Variants in ROBO2 observed in about 807,000 individuals in gnomAD.
ROBO2 encodes roundabout guidance receptor 2, also known as roundabout homolog 2.
ROBO2 carries 53 observed loss-of-function variants against 160.8 expected under a neutral mutation model. The observed-to-expected ratio is 0.33, with a 90% CI of 0.26 to 0.41. The LOEUF (loss-of-function observed/expected upper bound fraction) is 0.41. ROBO2 is among the 10% of genes least tolerant of loss of function. ROBO2 has a pLI of 1.00. For missense variants in ROBO2, 1,577 were observed against 1,722.4 expected, an observed-to-expected ratio of 0.92 and a Z score of 1.49; for synonymous variants, 664 against 611.7, an observed-to-expected ratio of 1.09 and a Z score of -1.26.
chr3:76,138,298 AAAC>A (rs968795112), intron 2 of ROBO2, among the ~76,000 whole-genome samples: 2 of 152,046 alleles, frequency 1.3e-5, no homozygotes, highest in African/African-American at 2.4e-5. Flanking sequence ...AAAATTAAAA[AAAC>A]AAGCTACAAA....
intron 2 of ROBO2, among the ~76,000 whole-genome samples, chr3:76,345,239 A>C (rs2074453064): frequency 6.6e-6 from 1 of 152,098 alleles, no homozygotes; most frequent in African/African-American, 2.4e-5. Flanking sequence ...TCCTGGGTGA[A>C]TCTCTGGAGA....
chr3:76,130,298 C>T (rs958245342), intron 2 of ROBO2, among the ~76,000 whole-genome samples: 3 of 152,002 alleles, frequency 2.0e-5, no homozygotes, highest in Non-Finnish European at 4.4e-5. Context: ...ATATTTTTTG[C>T]AGCTTTATTT....
chr3:76,486,093 G>A (rs1162717630), intron 2 of ROBO2, among the ~76,000 whole-genome samples: 1 of 152,142 alleles, frequency 6.6e-6, no homozygotes, highest in African/African-American at 2.4e-5. Flanking sequence ...AGTAAGCCCT[G>A]CCTTTGTTAT....
intron 2 of ROBO2, among the ~76,000 whole-genome samples, chr3:76,548,038 AAATC>A (rs2083207676): frequency 6.6e-6 from 1 of 152,156 alleles, no homozygotes; most frequent in African/African-American, 2.4e-5. Flanking sequence ...CCATATTCCT[AAATC>A]AATCACCTTT....
At chr3:77,327,104 G>T (rs937537233) in intron 2 of ROBO2, among the ~76,000 whole-genome samples, 5 of 152,160 alleles carry the variant, frequency 3.3e-5, no homozygotes. Context: ...ACTCGGGATA[G>T]AATTTATCAT....
At chr3:77,538,118 C>CGA (rs1553650916) in intron 6 of ROBO2, among the ~76,000 whole-genome samples, 6 of 144,910 alleles carry the variant, frequency 4.1e-5, no homozygotes, top group Admixed American at 1.4e-4. Context: ...CAATAAAAAA[C>CGA]AAAAAAAATA....
chr3:76,977,817 A>G (rs6548470), intron 2 of ROBO2, among the ~76,000 whole-genome samples: 110,900 of 152,058 alleles, frequency 0.73, 40,575 homozygotes, highest in East Asian at 0.76. Flanking sequence ...TAGTATTTTC[A>G]TAAAGATACT....
intron 2 of ROBO2, among the ~76,000 whole-genome samples, chr3:77,011,680 C>A (rs867828406): frequency 3.3e-5 from 5 of 151,984 alleles, no homozygotes; most frequent in Admixed American, 1.3e-4. Flanking sequence ...CTTTTTCAGG[C>A]CTGAGTGGTA....
intron 5 of ROBO2, among the ~76,000 whole-genome samples, chr3:77,508,655 G>A (rs1424051403): frequency 1.3e-5 from 2 of 151,686 alleles, no homozygotes; most frequent in Admixed American, 1.3e-4. Flanking sequence ...TGACCACCAT[G>A]TCAGTGATTT....
intron 2 of ROBO2, among the ~76,000 whole-genome samples, chr3:75,977,024 C>T (rs1422976428): frequency 6.6e-6 from 1 of 151,576 alleles, no homozygotes; most frequent in Non-Finnish European, 1.5e-5. Flanking sequence ...TCCCTCCCTT[C>T]TTTATAATGT....
chr3:76,230,452 T>G (rs1419326136), intron 2 of ROBO2, among the ~76,000 whole-genome samples: 1 of 152,182 alleles, frequency 6.6e-6, no homozygotes, highest in Non-Finnish European at 1.5e-5. Flanking sequence ...TTGCCTTATC[T>G]GCTTTGCTTT....
intron 2 of ROBO2, among the ~76,000 whole-genome samples, chr3:76,707,199 CT>C (rs1357997977): frequency 3.3e-5 from 5 of 151,988 alleles, no homozygotes; most frequent in Admixed American, 3.3e-4. Context: ...AACTTTTCCC[CT>C]CTGATTCCCT....
intron 2 of ROBO2, among the ~76,000 whole-genome samples, chr3:77,151,453 C>T (rs182046467): frequency 1.3e-5 from 2 of 152,138 alleles, no homozygotes; most frequent in African/African-American, 4.8e-5. Flanking sequence ...GTATTTTTGG[C>T]CTTTTCTTGT....
At chr3:76,964,368 G>GT (rs781274973) in intron 2 of ROBO2, among the ~76,000 whole-genome samples, 1 of 152,066 alleles carries the variant, frequency 6.6e-6, no homozygotes, top group Non-Finnish European at 1.5e-5. Context: ...TTGAGATGGA[G>GT]TTTTTCTCTT....
intron 2 of ROBO2, among the ~76,000 whole-genome samples, chr3:77,201,709 G>T (rs1409287216): frequency 1.3e-5 from 2 of 152,096 alleles, no homozygotes; most frequent in East Asian, 3.9e-4. Flanking sequence ...CTGAACTTGT[G>T]CATATTCATT....
chr3:76,261,156 T>G (rs1309378267), intron 2 of ROBO2, among the ~76,000 whole-genome samples: 1 of 148,020 alleles, frequency 6.8e-6, no homozygotes, highest in Non-Finnish European at 1.5e-5. Context: ...AATTTTTCTT[T>G]TAAACTAAAT....
intron 8 of ROBO2, among the ~76,000 whole-genome samples, chr3:77,555,237 G>A (rs558775530): frequency 5.3e-5 from 8 of 151,774 alleles, no homozygotes; most frequent in South Asian, 4.2e-4. Context: ...GCTTTTATAC[G>A]CACTGGGAAA....
intron 2 of ROBO2, among the ~76,000 whole-genome samples, chr3:76,121,371 C>A (rs560644353): frequency 6.6e-5 from 10 of 152,174 alleles, no homozygotes; most frequent in Admixed American, 2.6e-4. Flanking sequence ...CTGTACATAG[C>A]AAAGCATCTG....
At chr3:76,599,298 C>G (rs900667686) in intron 2 of ROBO2, among the ~76,000 whole-genome samples, 1 of 152,134 alleles carries the variant, frequency 6.6e-6, no homozygotes, top group African/African-American at 2.4e-5. Flanking sequence ...TCATTTAGCT[C>G]CCACTTAAAA....
Sources: allele counts gnomAD v4.1 joint callset (sites outside exome capture counted in the v4.1 genomes callset), GRCh38; gene constraint gnomAD v4.1.1; transcripts MANE v1.5; gene names NCBI Gene and HGNC (gene_info 2026-07-23, HGNC 2026-07-21).